KCNQ3: variants seen among roughly 807,000 people sequenced by gnomAD.
KCNQ3 encodes potassium voltage-gated channel subfamily Q member 3, also known as potassium voltage-gated channel subfamily KQT member 3.
Under a neutral mutation model 92.5 loss-of-function variants are expected in KCNQ3, and 30 were observed. The observed-to-expected ratio is 0.32, with a 90% confidence interval of 0.24 to 0.44. The LOEUF (loss-of-function observed/expected upper bound fraction) is 0.44, where lower values mean the gene tolerates loss of function less well. Among genes scored for constraint, KCNQ3 ranks in the 20% least tolerant of loss-of-function variants. The pLI, the probability that KCNQ3 is intolerant of heterozygous loss-of-function variation, is 1.00. For synonymous variants in KCNQ3, 450 were observed against 468.8 expected (o/e 0.96, Z 0.52); for missense variants, 913 against 1,140.3 (o/e 0.80, Z 2.87).
At chr8:132,468,947 A>G (rs988378732) in intron 1 of KCNQ3, among the ~76,000 whole-genome samples, 15 of 152,206 alleles carry the variant, frequency 9.9e-5, no homozygotes, top group Non-Finnish European at 1.9e-4. Context: ...CCTAGAGAAA[A>G]CGCTTCAAAC....
chr8:132,239,367 T>C (rs1427218979), intron 1 of KCNQ3, among the ~76,000 whole-genome samples: 2 of 152,202 alleles, frequency 1.3e-5, no homozygotes, highest in Non-Finnish European at 1.5e-5. Context: ...GAGTGAGAGA[T>C]TGAGGAAATT....
At chr8:132,160,193 G>A (rs1339726641) in intron 9 of KCNQ3, among the ~76,000 whole-genome samples, 2 of 152,166 alleles carry the variant, frequency 1.3e-5, no homozygotes, top group African/African-American at 4.8e-5. Flanking sequence ...GCTGAGGGAA[G>A]ACAAGAGCTG....
intron 1 of KCNQ3, among the ~76,000 whole-genome samples, chr8:132,404,139 CG>C (rs1437937376): frequency 2.6e-5 from 4 of 152,134 alleles, no homozygotes; most frequent in African/African-American, 9.7e-5. Context: ...GGGGCAGAAA[CG>C]TTTTTACTAT....
intron 1 of KCNQ3, among the ~76,000 whole-genome samples, chr8:132,279,470 A>G (rs1302789491): frequency 6.6e-6 from 1 of 152,212 alleles, no homozygotes; most frequent in African/African-American, 2.4e-5. Flanking sequence ...TTCCTACTCC[A>G]TATGAATTCA....
chr8:132,227,271 A>G (rs1814460842), intron 1 of KCNQ3, among the ~76,000 whole-genome samples: 1 of 152,064 alleles, frequency 6.6e-6, no homozygotes, highest in African/African-American at 2.4e-5. Flanking sequence ...CATGTTGGCC[A>G]GGATGGTCTC....
intron 9 of KCNQ3, among the ~76,000 whole-genome samples, chr8:132,147,471 T>G (rs1595412): frequency 0.93 from 142,248 of 152,248 alleles, 66,727 homozygotes; most frequent in Middle Eastern, 0.96. Context: ...AAGAAGTTGG[T>G]GACTGTGTCT....
In KCNQ3 at chr8:132,212,340, T is replaced by A. The variant is rs558404850; in HGVS notation, c.387-26159A>T. ...CCTTAAAGGAGCGGGCACCTGTCTTTCCATAAATTCCCCTCAACTGTCCTT... is the reference window on the plus strand; with the variant it reads ...CCTTAAAGGAGCGGGCACCTGTCTTACCATAAATTCCCCTCAACTGTCCTT... On this transcript the variant is annotated intron_variant, in intron 1 of 14. Transcript: ENST00000388996. Among the ~76,000 whole-genome samples, 21 of 152,244 alleles carry A rather than the reference T, an allele frequency of 1.4e-4. No homozygotes were observed. The South Asian group carries it at 2.7e-3, about 20-fold the overall frequency.
intron 1 of KCNQ3, among the ~76,000 whole-genome samples, chr8:132,242,726 G>A (rs544813528): frequency 6.6e-6 from 1 of 152,206 alleles, no homozygotes; most frequent in African/African-American, 2.4e-5. Flanking sequence ...TTTATCGAAT[G>A]AATGAATGAA....
At chr8:132,473,248 G>A (rs1341442624) in intron 1 of KCNQ3, among the ~76,000 whole-genome samples, 1 of 150,728 alleles carries the variant, frequency 6.6e-6, no homozygotes, top group East Asian at 2.0e-4. Context: ...ATACATGGGA[G>A]CTGAAAAGGA....
chr8:132,203,740 T>A (rs1446633105), intron 1 of KCNQ3, among the ~76,000 whole-genome samples: 1 of 152,218 alleles, frequency 6.6e-6, no homozygotes, highest in Non-Finnish European at 1.5e-5. Flanking sequence ...CTCAAAGGGT[T>A]GCTGTGAGAA....
At chr8:132,154,411 G>C (rs961250351) in intron 9 of KCNQ3, among the ~76,000 whole-genome samples, 2 of 151,970 alleles carry the variant, frequency 1.3e-5, no homozygotes, top group East Asian at 1.9e-4. Flanking sequence ...GCCCCTTCTC[G>C]TGGGAACCCT....
At chr8:132,427,679 G>A (rs1229417611) in intron 1 of KCNQ3, among the ~76,000 whole-genome samples, 1 of 152,156 alleles carries the variant, frequency 6.6e-6, no homozygotes, top group Non-Finnish European at 1.5e-5. Flanking sequence ...CTATGCTGGG[G>A]CTCTGTGTGG....
chr8:132,215,588 A>T (rs1470356059), intron 1 of KCNQ3, among the ~76,000 whole-genome samples: 3 of 152,114 alleles, frequency 2.0e-5, no homozygotes, highest in South Asian at 4.1e-4. Context: ...CTCCTCAAGG[A>T]TCTTTTACTG....
chr8:132,137,606 G>A (rs1023110386), intron 12 of KCNQ3, among the ~76,000 whole-genome samples: 4 of 152,158 alleles, frequency 2.6e-5, no homozygotes, highest in African/African-American at 7.2e-5. Flanking sequence ...TGGCAACATC[G>A]AAAGCATCAC....
intron 1 of KCNQ3, among the ~76,000 whole-genome samples, chr8:132,455,738 A>G (rs1821923502): frequency 6.6e-6 from 1 of 152,000 alleles, no homozygotes; most frequent in Admixed American, 6.6e-5. Context: ...AGAGGTGGAT[A>G]CTTTTTTTTG....
intron 1 of KCNQ3, among the ~76,000 whole-genome samples, chr8:132,224,111 C>CTTTTTTTTTTTTTTT: frequency 4.1e-3 from 261 of 63,752 alleles, no homozygotes; most frequent in African/African-American, 5.4e-3. Flanking sequence ...TTTTTTTTTG[C>CTTTTTTTTTTTTTTT]TTTTGGAGAG....
intron 1 of KCNQ3, among the ~76,000 whole-genome samples, chr8:132,355,151 G>A (rs755762534): frequency 1.3e-5 from 2 of 152,206 alleles, no homozygotes; most frequent in Non-Finnish European, 2.9e-5. Context: ...CCAGATTGAG[G>A]TCAGGATTTA....
chr8:132,204,603 T>A (rs552640774), intron 1 of KCNQ3, among the ~76,000 whole-genome samples: 8 of 152,282 alleles, frequency 5.3e-5, no homozygotes, highest in Non-Finnish European at 1.0e-4. Context: ...CCACCCTTCA[T>A]ACACACAGAG....
chr8:132,184,486 T>G, intron 2 of KCNQ3, 119 bp from the exon 3 acceptor site: 114 of 828,822 alleles, frequency 1.4e-4, no homozygotes, highest in East Asian at 4.8e-4. Context: ...GTTGTCTGGT[T>G]GGCAGGGATG....
Sources: gnomAD v4.1 joint callset for allele counts (sites outside exome capture counted in the v4.1 genomes callset) on GRCh38, gnomAD v4.1.1 for gene constraint, MANE v1.5 for transcripts, NCBI Gene and HGNC (gene_info 2026-07-23, HGNC 2026-07-21) for gene names.